Variants in ATXN2 observed in about 807,000 individuals in gnomAD.
The protein encoded by ATXN2 is ataxin-2.
In ATXN2, 37 loss-of-function variants were observed where a neutral mutation model predicts 138.6. The ratio of observed to expected loss-of-function variants is 0.27; its 90% CI spans 0.21 to 0.35. ATXN2 has a LOEUF of 0.35. Ranked by LOEUF, ATXN2 falls within the 10% of genes least tolerant of loss-of-function variation. The pLI is 1.00. For missense variants in ATXN2, 1,216 were observed against 1,480.3 expected, an observed-to-expected ratio of 0.82 and a Z score of 2.93; for synonymous variants, 549 against 543.7, an observed-to-expected ratio of 1.01 and a Z score of -0.13.
chr12:111,540,687 C>T (rs981602564), intron 5 of ATXN2, among the ~76,000 whole-genome samples: 4 of 146,838 alleles, frequency 2.7e-5, no homozygotes, highest in African/African-American at 1.0e-4. Flanking sequence ...CTTTTGGACA[C>T]GTCTAAGTCT....
chr12:111,456,309 C>T, intron 22 of ATXN2, 53 bp from the exon 23 acceptor site: 3 of 1,578,404 alleles, frequency 1.9e-6, no homozygotes, highest in Non-Finnish European at 2.6e-6. Context: ...TGAAAAGCAG[C>T]CAAGGGATAC....
At chr12:111,534,009 A>G (rs998831829) in intron 5 of ATXN2, among the ~76,000 whole-genome samples, 9 of 151,108 alleles carry the variant, frequency 6.0e-5, no homozygotes, top group African/African-American at 1.9e-4. Context: ...TATGTAAGAG[A>G]AAAAAAAACA....
chr12:111,479,043 T>C, intron 18 of ATXN2: 1 of 371,774 alleles, frequency 2.7e-6, no homozygotes, highest in Non-Finnish European at 4.8e-6. Flanking sequence ...AAAATAAATT[T>C]TTTAAAAAAA....
At chr12:111,519,509 T>C (rs889331217) in intron 8 of ATXN2, among the ~76,000 whole-genome samples, 1 of 152,246 alleles carries the variant, frequency 6.6e-6, no homozygotes, top group Non-Finnish European at 1.5e-5. Flanking sequence ...TCTCTGACTC[T>C]ACAGGTTATG....
At chr12:111,579,825 G>A (rs1327385518) in intron 1 of ATXN2, among the ~76,000 whole-genome samples, 2 of 150,502 alleles carry the variant, frequency 1.3e-5, no homozygotes, top group African/African-American at 2.4e-5. Context: ...CAGCCCCCCC[G>A]AGTAGCTGGG....
intron 10 of ATXN2, among the ~76,000 whole-genome samples, chr12:111,514,619 G>A (rs889704261): frequency 6.6e-6 from 1 of 152,088 alleles, no homozygotes; most frequent in Non-Finnish European, 1.5e-5. Context: ...CTGCCTCCCA[G>A]GTTCAAGTGA....
intron 21 of ATXN2, 72 bp from the exon 22 acceptor site, chr12:111,457,431 C>CAACTG (rs1875195817): frequency 8.0e-6 from 12 of 1,496,998 alleles, no homozygotes; most frequent in Non-Finnish European, 1.1e-5. Flanking sequence ...TACACTTCAT[C>CAACTG]AACTGAACTT....
At chr12:111,599,576 G>A, upstream of ATXN2, 4 of 1,128,284 alleles carry the variant, frequency 3.5e-6, no homozygotes, top group Non-Finnish European at 4.3e-6. Context: ...ACTCTTTACC[G>A]GAAGTCGGAG....
intron 10 of ATXN2, 52 bp from the exon 11 acceptor site, chr12:111,513,591 T>C: frequency 6.5e-7 from 1 of 1,528,308 alleles, no homozygotes; most frequent in Non-Finnish European, 8.8e-7. Flanking sequence ...TCATCAGTAC[T>C]ACTTTTCTGC....
intron 18 of ATXN2, among the ~76,000 whole-genome samples, chr12:111,476,755 G>A (rs961682477): frequency 6.6e-6 from 1 of 152,142 alleles, no homozygotes; most frequent in Non-Finnish European, 1.5e-5. Context: ...AATAAATGGA[G>A]CAGTATATGA....
chr12:111,515,243 C>CT (rs1879789525), intron 10 of ATXN2, among the ~76,000 whole-genome samples: 1 of 152,168 alleles, frequency 6.6e-6, no homozygotes, highest in East Asian at 1.9e-4. Flanking sequence ...GTGCGGAAAA[C>CT]TTTATTAGTC....
chr12:111,536,777 GTTTTTTTT>G (rs750371516), intron 5 of ATXN2, among the ~76,000 whole-genome samples: 3 of 96,822 alleles, frequency 3.1e-5, no homozygotes, highest in African/African-American at 4.6e-5. Flanking sequence ...TCCACACGCA[GTTTTTTTT>G]TTTTTTTTTT....
At chr12:111,569,974 G>A (rs1883222093) in intron 1 of ATXN2, among the ~76,000 whole-genome samples, 1 of 152,138 alleles carries the variant, frequency 6.6e-6, no homozygotes, top group African/African-American at 2.4e-5. Context: ...GCAGCCATTA[G>A]GCACATGTGG....
intron 1 of ATXN2, among the ~76,000 whole-genome samples, chr12:111,556,337 C>A (rs1882387970): frequency 6.6e-6 from 1 of 152,144 alleles, no homozygotes; most frequent in Non-Finnish European, 1.5e-5. Flanking sequence ...GATCATTCCA[C>A]TGCAGTCTAG....
At chr12:111,465,481 T>G (rs983367457) in intron 20 of ATXN2, among the ~76,000 whole-genome samples, 1 of 151,844 alleles carries the variant, frequency 6.6e-6, no homozygotes, top group African/African-American at 2.4e-5. Context: ...ATTAGAAGAG[T>G]AGATGTGAGG....
At chr12:111,495,308 C>CAAAAAAAA (rs374203441) in intron 14 of ATXN2, among the ~76,000 whole-genome samples, 1 of 60,390 alleles carries the variant, frequency 1.7e-5, no homozygotes, top group African/African-American at 5.0e-5. Flanking sequence ...AACTCTGTCT[C>CAAAAAAAA]AAAAAAAAAA....
At chr12:111,572,947 G>C (rs1236529450) in intron 1 of ATXN2, among the ~76,000 whole-genome samples, 1 of 151,684 alleles carries the variant, frequency 6.6e-6, no homozygotes, top group African/African-American at 2.4e-5. Context: ...CTACTTTTTA[G>C]TTCAAATTAA....
chr12:111,490,626 C>T (rs1298753234), intron 14 of ATXN2, among the ~76,000 whole-genome samples: 1 of 152,112 alleles, frequency 6.6e-6, no homozygotes, highest in African/African-American at 2.4e-5. Context: ...ACTATCCACA[C>T]AAGAAAGCAC....
intron 14 of ATXN2, among the ~76,000 whole-genome samples, chr12:111,508,568 T>C (rs1297600944): frequency 6.7e-6 from 1 of 149,034 alleles, no homozygotes; most frequent in East Asian, 2.1e-4. Context: ...TGCCTCAGCC[T>C]GCCAAGTAGC....
Sources: gnomAD v4.1 joint callset for allele counts (sites outside exome capture counted in the v4.1 genomes callset) on GRCh38, gnomAD v4.1.1 for gene constraint, MANE v1.5 for transcripts, NCBI Gene and HGNC (gene_info 2026-07-23, HGNC 2026-07-21) for gene names.